Variants in WDTC1 observed in about 807,000 individuals in gnomAD.
WDTC1 encodes WD and tetratricopeptide repeats protein 1.
In WDTC1, 12 loss-of-function variants were observed where a neutral mutation model predicts 76.0. The ratio of observed to expected loss-of-function variants is 0.16; its 90% CI spans 0.10 to 0.26. The LOEUF (loss-of-function observed/expected upper bound fraction) is 0.26. WDTC1 is among the 10% of genes least tolerant of loss of function. The probability of loss-of-function intolerance (pLI) is 1.00; values close to 1 mark genes in which losing one functional copy is unlikely to be tolerated. For synonymous variants in WDTC1, 326 were observed against 350.8 expected, an observed-to-expected ratio of 0.93 and a Z score of 0.79; for missense variants, 511 against 908.8, an observed-to-expected ratio of 0.56 and a Z score of 5.63.
At chr1:27,253,740 T>C (rs967775345) in intron 1 of WDTC1, among the ~76,000 whole-genome samples, 1 of 152,162 alleles carries the variant, frequency 6.6e-6, no homozygotes, top group Non-Finnish European at 1.5e-5. Context: ...TTCAGCCTTT[T>C]TGCCTCTTAG....
intron 3 of WDTC1, among the ~76,000 whole-genome samples, chr1:27,265,880 GA>G (rs2012647374): frequency 1.3e-5 from 2 of 152,044 alleles, no homozygotes; most frequent in South Asian, 4.2e-4. Context: ...CCCGGAGGTG[GA>G]GGTTGCAGTG....
At position 27,294,049 on chromosome 1, in the gene WDTC1, G is replaced by A. The variant is rs766494409; in HGVS notation, c.690G>A (p.Ala230=). 9.3e-6 allele frequency: 15 copies of A among 1,613,962 alleles called. No homozygotes were observed. Among genetic ancestry groups the A allele is most frequent in the African/African-American group, 5.3e-5 (4 of 74,884 alleles). Residue 230 remains alanine (A), a synonymous_variant, in exon 8 of 16, where the codon GCG becomes GCA. Transcript: ENST00000319394. ...AGAGCATGAAGCAGAGCCCTTCAGC[G>A]GGTGTGCACACCTTCTGTGACCGGC... The part of the protein sequence containing the change: ...HRKSMKQSPS[A]GVHTFCDRQK...
At chr1:27,239,801 ACT>A (rs1203144388) in intron 1 of WDTC1, among the ~76,000 whole-genome samples, 3 of 135,716 alleles carry the variant, frequency 2.2e-5, no homozygotes, top group Non-Finnish European at 4.7e-5. Flanking sequence ...ACAGAGTGAG[ACT>A]CTGTCTCAAA....
chr1:27,262,188 A>G (rs2012499355), intron 2 of WDTC1, among the ~76,000 whole-genome samples: 2 of 152,050 alleles, frequency 1.3e-5, no homozygotes, highest in South Asian at 2.1e-4. Flanking sequence ...TTGTCCTCCC[A>G]AAGTGCTGGG....
At chr1:27,256,915 G>A (rs948700752) in intron 1 of WDTC1, among the ~76,000 whole-genome samples, 4 of 152,084 alleles carry the variant, frequency 2.6e-5, no homozygotes, top group Admixed American at 6.6e-5. Flanking sequence ...AGGCTGGAGC[G>A]CAGTAGCACG....
chr1:27,277,328 T>C (rs969521883), intron 3 of WDTC1, among the ~76,000 whole-genome samples: 1 of 152,216 alleles, frequency 6.6e-6, no homozygotes, highest in Admixed American at 6.5e-5. Flanking sequence ...TATATGTAGG[T>C]CTTTGATCCA....
chr1:27,305,320 G>A lies in WDTC1; in HGVS notation c.1836+127G>A, dbSNP rs570675109. ...GAAGCTGCTAAGTAAGCCTTACCCC[G>A]GGGCCCAAGGCTGTGTTCTCAGATT... On this transcript the variant is annotated intron_variant, in intron 15 of 15. Transcript: ENST00000319394. This position sits in a 1 kb window ranked among gnomAD's most constrained non-coding sequence, Gnocchi z 4.6. 191 of 1,193,530 alleles carry A rather than the reference G, an allele frequency of 1.6e-4. No homozygotes were observed. In the African/African-American group the frequency reaches 2.3e-3, roughly 15 times the overall value. The allele number at this position is 1,193,530 out of a possible 1,614,324, so 73.9% of individuals were successfully genotyped here.
chr1:27,288,240 T>A (rs2013400736), intron 6 of WDTC1, among the ~76,000 whole-genome samples: 1 of 152,202 alleles, frequency 6.6e-6, no homozygotes, highest in Non-Finnish European at 1.5e-5. Context: ...AGAAGCACCT[T>A]CTCTGACCAT....
chr1:27,280,408 C>T (rs1390439441), intron 3 of WDTC1, among the ~76,000 whole-genome samples: 1 of 152,204 alleles, frequency 6.6e-6, no homozygotes, highest in African/African-American at 2.4e-5. Context: ...GCTGTCAGAA[C>T]TTACTCCATT....
rs978150733 is a variant in WDTC1, at chr1:27,234,956, G to A, written c.-100+5G>A. 7 of 390,856 alleles carry A rather than the reference G, an allele frequency of 1.8e-5. No individual in the cohort carries two copies. The highest frequency in any genetic ancestry group is 2.1e-5 in the African/African-American group (1 of 48,224). 24.2% of individuals were successfully genotyped at this position (390,856 alleles called of 1,614,324 possible). On this transcript the variant is annotated splice_donor_5th_base_variant and intron_variant, in intron 1 of 15. Coordinates refer to ENST00000319394, the MANE Select transcript of WDTC1 (RefSeq NM_001276252.2). ...TCGGGGGAAGAGACCTGACAGGTAC[G>A]GGTCACCGCCGCCCCCTGCCCTCCG...
chr1:27,274,885 A>G lies in WDTC1; in HGVS notation c.133-7354A>G, dbSNP rs925150217. Among the ~76,000 whole-genome samples the G allele has an allele frequency of 4.6e-5, 7 of 152,244 alleles. No homozygotes were observed. Among genetic ancestry groups the G allele is most frequent in the African/African-American group, 1.4e-4 (6 of 41,468 alleles). Reference sequence around the variant, plus strand: ...GGGATTTCTTGGCACCGTATTAGACACATGGTAGAGAGAAGAAGAAAGGAA... The same window carrying G: ...GGGATTTCTTGGCACCGTATTAGACGCATGGTAGAGAGAAGAAGAAAGGAA... On this transcript the variant is annotated intron_variant, in intron 3 of 15. Coordinates refer to ENST00000319394, the MANE Select transcript of WDTC1 (RefSeq NM_001276252.2). This position sits in a 1 kb window ranked among gnomAD's most constrained non-coding sequence, Gnocchi z 4.2.
At chr1:27,291,474 T>C (rs1008590174) in intron 6 of WDTC1, among the ~76,000 whole-genome samples, 1 of 152,156 alleles carries the variant, frequency 6.6e-6, no homozygotes, top group Admixed American at 6.5e-5. Flanking sequence ...TGATAACAGA[T>C]GTCTAGGCAA....
intron 5 of WDTC1, among the ~76,000 whole-genome samples, chr1:27,287,369 T>TTTG (rs200307255): frequency 4.6e-5 from 7 of 152,066 alleles, no homozygotes; most frequent in South Asian, 2.1e-4. Flanking sequence ...TGTTTTGTTT[T>TTTG]TTGTTGTTGT....
Position 27,303,259 on chromosome 1 carries a change from C to T in WDTC1, c.1469-362C>T, listed in dbSNP as rs2013874180. 7.1e-6 allele frequency among the ~76,000 whole-genome samples: 1 copy of T among 140,502 alleles called. No individual in the cohort carries two copies. Among genetic ancestry groups the T allele is most frequent in the Non-Finnish European group, 1.6e-5 (1 of 64,046 alleles). 92.2% of individuals were successfully genotyped at this position (140,502 alleles called of 152,430 possible). A position where few individuals can be genotyped will look rare whatever the true frequency, so the allele number is the denominator to read the frequency against. ...ACTGCACTCCAGCCTGCGTGACCATCTCAAAAAAAAAAAAAAAAGTCATCC... is the reference window on the plus strand; with the variant it reads ...ACTGCACTCCAGCCTGCGTGACCATTTCAAAAAAAAAAAAAAAAGTCATCC... On this transcript the variant is annotated intron_variant, in intron 13 of 15. Coordinates refer to ENST00000319394, the MANE Select transcript of WDTC1 (RefSeq NM_001276252.2). The surrounding 1 kb of genome is among the most constrained non-coding windows in gnomAD (Gnocchi z 4.8).
intron 1 of WDTC1, among the ~76,000 whole-genome samples, chr1:27,260,409 G>A (rs6598879): frequency 0.74 from 112,368 of 152,098 alleles, 42,503 homozygotes; most frequent in East Asian, 0.86. Context: ...CCGGCCCTAC[G>A]AGGATGTTAA....
rs574104172 is a variant in WDTC1 at position 27,262,716 on chromosome 1, G to A, written c.49-436G>A. Among the ~76,000 whole-genome samples the A allele has an allele frequency of 1.2e-4, 19 of 152,132 alleles. No homozygotes were observed. In the East Asian group the frequency reaches 3.7e-3, roughly 29 times the overall value. ...TGAATCCTTTTAGCTTTGTCCATTT[G>A]TGGAAGTTTTTTGTGTGTGATTTCA... On this transcript the variant is annotated intron_variant, in intron 2 of 15. Coordinates refer to ENST00000319394, the MANE Select transcript of WDTC1 (RefSeq NM_001276252.2).
chr1:27,258,004 T>A (rs897351834), intron 1 of WDTC1, among the ~76,000 whole-genome samples: 9 of 152,072 alleles, frequency 5.9e-5, no homozygotes, highest in African/African-American at 2.2e-4. Context: ...TTGGCCAGGC[T>A]GGTCTCAAAC....
chr1:27,303,894 C>T lies in WDTC1; in HGVS notation c.1643+99C>T, dbSNP rs2013892379. 9 of 1,508,252 alleles carry T rather than the reference C, an allele frequency of 6.0e-6. No homozygotes were observed. In the South Asian group the frequency reaches 1.1e-4, roughly 18 times the overall value. The allele number at this position is 1,508,252 out of a possible 1,614,324, so 93.4% of individuals were successfully genotyped here. A position where few individuals can be genotyped will look rare whatever the true frequency, so the allele number is the denominator to read the frequency against. On this transcript the variant is annotated intron_variant, in intron 14 of 15. Coordinates refer to ENST00000319394, the MANE Select transcript of WDTC1 (RefSeq NM_001276252.2). The surrounding 1 kb of genome is among the most constrained non-coding windows in gnomAD (Gnocchi z 4.8). ...GGTTTCAGAGAAGAATCTCAAATCCCTGCTCTGCCTCTGTACCCTTGGGCA... is the reference window on the plus strand; with the variant it reads ...GGTTTCAGAGAAGAATCTCAAATCCTTGCTCTGCCTCTGTACCCTTGGGCA...
At position 27,296,399 on chromosome 1, in the gene WDTC1, G is replaced by T. The variant is rs751080101; in HGVS notation, c.947G>T (p.Gly316Val). Residue 316 changes from glycine (G) to valine (V), a missense_variant and splice_region_variant, in exon 10 of 16, where the codon GGG becomes GTG. Physicochemically the swap from Gly to Val is moderately radical, Grantham distance 109. Coordinates refer to ENST00000319394, the MANE Select transcript of WDTC1 (RefSeq NM_001276252.2). Reference protein sequence around the residue: ...FLLPRKCHSSGEVQNGKMSTN... With the variant: ...FLLPRKCHSSVEVQNGKMSTN... ...TTGCCTAGAAAATGCCACTCCTCGG[G>T]GGGTAAGTTCTCCCTTAGGGTATCT... 4 of 1,614,060 alleles carry T rather than the reference G, an allele frequency of 2.5e-6. No homozygotes were observed. The highest frequency in any genetic ancestry group is 3.4e-6 in the Non-Finnish European group (4 of 1,179,998).
Sources: gnomAD v4.1 joint callset for allele counts (sites outside exome capture counted in the v4.1 genomes callset) on GRCh38, gnomAD v4.1.1 for gene constraint, Gnocchi (gnomAD v3.1) non-coding constraint, MANE v1.5 for transcripts, NCBI Gene and HGNC (gene_info 2026-07-23, HGNC 2026-07-21) for gene names.